The following WDPCP variants were observed in gnomAD, a reference collection of about 807,000 sequenced individuals.
WDPCP encodes the protein WD repeat-containing and planar cell polarity effector protein fritz homolog.
WDPCP carries 71 observed loss-of-function variants against 93.1 expected under a neutral mutation model. The observed-to-expected ratio is 0.76, with a 90% CI of 0.63 to 0.93. The LOEUF (loss-of-function observed/expected upper bound fraction) is 0.93. Ranked by LOEUF, WDPCP falls within the 40% of genes least tolerant of loss-of-function variation. The probability of loss-of-function intolerance (pLI) is 0.00; values close to 1 mark genes in which losing one functional copy is unlikely to be tolerated. For synonymous variants in WDPCP, 315 were observed against 315.0 expected, an observed-to-expected ratio of 1.00 and a Z score of 0.00; for missense variants, 844 against 887.4, an observed-to-expected ratio of 0.95 and a Z score of 0.62.
intron 2 of WDPCP, among the ~76,000 whole-genome samples, chr2:63,793,086 A>T (rs995506897): frequency 1.3e-5 from 2 of 152,208 alleles, no homozygotes; most frequent in African/African-American, 4.8e-5. Context: ...ACATTTTTAG[A>T]ATAAAAAGTC....
intron 2 of WDPCP, among the ~76,000 whole-genome samples, chr2:63,780,766 AG>A (rs559194384): frequency 0.012 from 1,870 of 152,344 alleles, 17 homozygotes; most frequent in Non-Finnish European, 0.015. Context: ...ATATATGCAC[AG>A]CTTGGAGAAC....
At chr2:63,480,795 A>T (rs943604354) in intron 6 of WDPCP, among the ~76,000 whole-genome samples, 23 of 152,096 alleles carry the variant, frequency 1.5e-4, no homozygotes, top group African/African-American at 4.6e-4. Context: ...AGAAGATAAC[A>T]TTGGAAGAAC....
chr2:63,379,954 A>G (rs1206743652), intron 11 of WDPCP, among the ~76,000 whole-genome samples: 2 of 152,186 alleles, frequency 1.3e-5, no homozygotes, highest in African/African-American at 4.8e-5. Flanking sequence ...AGTATCATAC[A>G]AGCTTTTTAT....
chr2:63,676,520 C>T (rs1250404281), intron 2 of WDPCP, among the ~76,000 whole-genome samples: 1 of 151,842 alleles, frequency 6.6e-6, no homozygotes, highest in Non-Finnish European at 1.5e-5. Context: ...TATCAGTGCC[C>T]CATAGTTCAA....
chr2:63,147,232 T>C (rs1671579049), intron 17 of WDPCP, among the ~76,000 whole-genome samples: 1 of 152,142 alleles, frequency 6.6e-6, no homozygotes, highest in Admixed American at 6.5e-5. Context: ...GGTAGGTTAC[T>C]TTAGCAGCAT....
intron 2 of WDPCP, among the ~76,000 whole-genome samples, chr2:63,732,741 CA>C (rs1669579717): frequency 6.6e-6 from 1 of 152,016 alleles, no homozygotes; most frequent in African/African-American, 2.4e-5. Flanking sequence ...TGGGATATGA[CA>C]TTATTTTTGG....
intron 6 of WDPCP, among the ~76,000 whole-genome samples, chr2:63,472,199 T>G (rs972289964): frequency 6.6e-6 from 1 of 151,970 alleles, no homozygotes; most frequent in Non-Finnish European, 1.5e-5. Flanking sequence ...TAGAAGTTTT[T>G]TGGATTTTCT....
intron 2 of WDPCP, among the ~76,000 whole-genome samples, chr2:63,727,720 A>G (rs1202239632): frequency 1.3e-5 from 2 of 152,114 alleles, no homozygotes; most frequent in Non-Finnish European, 2.9e-5. Flanking sequence ...TACTGATTCA[A>G]TTTCAGAACT....
chr2:63,215,525 G>T (rs914413675), intron 14 of WDPCP, among the ~76,000 whole-genome samples: 2 of 152,198 alleles, frequency 1.3e-5, no homozygotes, highest in African/African-American at 4.8e-5. Context: ...GCTGAAACTG[G>T]ATCCCTTCCT....
At chr2:63,638,007 C>T (rs1427976479) in intron 3 of WDPCP, among the ~76,000 whole-genome samples, 2 of 152,100 alleles carry the variant, frequency 1.3e-5, no homozygotes, top group Non-Finnish European at 2.9e-5. Context: ...GATGGATGAA[C>T]ATTGGATTGG....
chr2:63,499,819 G>C (rs934267058), intron 1 of WDPCP, among the ~76,000 whole-genome samples: 2 of 152,180 alleles, frequency 1.3e-5, no homozygotes, highest in Admixed American at 6.5e-5. Flanking sequence ...AGGCATGCCT[G>C]CATCATCATG....
At chr2:63,524,015 T>C (rs1053689789) in intron 1 of WDPCP, among the ~76,000 whole-genome samples, 23 of 152,014 alleles carry the variant, frequency 1.5e-4, no homozygotes, top group Non-Finnish European at 1.8e-4. Context: ...CCATTCACAA[T>C]AGACACAAAA....
At chr2:63,329,085 T>C (rs1687785214) in intron 12 of WDPCP, among the ~76,000 whole-genome samples, 1 of 152,208 alleles carries the variant, frequency 6.6e-6, no homozygotes, top group Non-Finnish European at 1.5e-5. Context: ...AATTTTTAAG[T>C]ATGTAGTACA....
intron 9 of WDPCP, among the ~76,000 whole-genome samples, chr2:63,416,859 G>A (rs924988742): frequency 2.6e-5 from 4 of 152,082 alleles, no homozygotes; most frequent in African/African-American, 9.7e-5. Flanking sequence ...TAAATACTTG[G>A]GTTCAGAATA....
chr2:63,469,572 T>C (rs1214323260), intron 6 of WDPCP, among the ~76,000 whole-genome samples: 1 of 152,182 alleles, frequency 6.6e-6, no homozygotes, highest in African/African-American at 2.4e-5. Context: ...CTGGAGGCCA[T>C]TATCCTTAGC....
chr2:63,404,003 T>A, intron 10 of WDPCP, 45 bp downstream of exon 10: 2 of 1,611,796 alleles, frequency 1.2e-6, no homozygotes, highest in South Asian at 2.2e-5. Context: ...TATGTCACTA[T>A]CCTAAACATT....
intron 1 of WDPCP, among the ~76,000 whole-genome samples, chr2:63,494,617 G>C (rs760142615): frequency 6.6e-6 from 1 of 152,040 alleles, no homozygotes; most frequent in South Asian, 2.1e-4. Flanking sequence ...ACAGATGTTT[G>C]AGTAAAAAGA....
At position 63,245,899 on chromosome 2, in the gene WDPCP, G is replaced by A. The variant is rs139900892; in HGVS notation, c.1915+13408C>T. Among the ~76,000 whole-genome samples, 126 of 152,180 alleles carry A rather than the reference G, an allele frequency of 8.3e-4. No individual in the cohort carries two copies. In the East Asian group the frequency reaches 0.022, roughly 26 times the overall value. On this transcript the variant is annotated intron_variant, in intron 14 of 17. Transcript: ENST00000272321. ...ATCACCTTAGCACTTACTATTTTTCGTGTTAGGAACATTACAATTCTGCTT... is the reference window on the plus strand; with the variant it reads ...ATCACCTTAGCACTTACTATTTTTCATGTTAGGAACATTACAATTCTGCTT...
chr2:63,592,269 G>A (rs2106598215), upstream of WDPCP, among the ~76,000 whole-genome samples: 1 of 152,206 alleles, frequency 6.6e-6, no homozygotes, highest in Admixed American at 6.5e-5. Context: ...AGCTATAGTT[G>A]GAACTATTGT....
Sources: gnomAD v4.1 joint callset for allele counts (sites outside exome capture counted in the v4.1 genomes callset) on GRCh38, gnomAD v4.1.1 for gene constraint, MANE v1.5 for transcripts, NCBI Gene and HGNC (gene_info 2026-07-23, HGNC 2026-07-21) for gene names.